Variants in CDH20 observed in about 807,000 individuals in gnomAD.
The protein encoded by CDH20 is cadherin-20.
A neutral mutation model predicts 74.2 loss-of-function variants in CDH20; 29 were observed. The ratio of observed to expected loss-of-function variants is 0.39; its 90% CI spans 0.29 to 0.53. The LOEUF (loss-of-function observed/expected upper bound fraction) is 0.53, where lower values mean the gene tolerates loss of function less well. Ranked by LOEUF, CDH20 falls within the 20% of genes least tolerant of loss-of-function variation. CDH20 has a pLI of 0.69. For synonymous variants in CDH20, 469 were observed against 405.4 expected (o/e 1.16, Z -1.88); for missense variants, 988 against 1,048.3 (o/e 0.94, Z 0.79).
intron 5 of CDH20, among the ~76,000 whole-genome samples, chr18:61,506,660 C>T (rs1943329): frequency 0.64 from 97,547 of 152,162 alleles, 31,518 homozygotes; most frequent in East Asian, 0.77. Context: ...TAATTGTGAG[C>T]TCAGGATATC....
intron 9 of CDH20, among the ~76,000 whole-genome samples, chr18:61,543,981 G>A (rs1376162157): frequency 6.6e-6 from 1 of 152,188 alleles, no homozygotes; most frequent in East Asian, 1.9e-4. Context: ...GCCTAGAAAC[G>A]GCTGGCCGTG....
intron 2 of CDH20, among the ~76,000 whole-genome samples, chr18:61,495,863 A>T (rs11152297): frequency 1 from 152,120 of 152,214 alleles, 76,013 homozygotes; most frequent in Non-Finnish European, 1. Flanking sequence ...TGACTACACC[A>T]AGAACTGATA....
Position 61,554,893 on chromosome 18 carries a change from G to A in CDH20, c.*198G>A, listed in dbSNP as rs1739941705. The A allele has an allele frequency of 7.2e-7, 1 of 1,385,452 alleles. No individual in the cohort carries two copies. Among genetic ancestry groups the A allele is most frequent in the Non-Finnish European group, 9.3e-7 (1 of 1,071,666 alleles). 85.8% of individuals were successfully genotyped at this position (1,385,452 alleles called of 1,614,324 possible). ...AGCAAAAGGAAACCCAGAAGGAAGA[G>A]GGCAGAATCTTTAATTACCTTTTTT... On this transcript the variant is annotated 3_prime_UTR_variant, in exon 12 of 12. Transcript: ENST00000262717.
At chr18:61,501,545 A>C (rs1193125258) in intron 4 of CDH20, among the ~76,000 whole-genome samples, 4 of 152,212 alleles carry the variant, frequency 2.6e-5, no homozygotes, top group African/African-American at 9.7e-5. Flanking sequence ...CCACAGAATA[A>C]AGTTAATGGT....
At position 61,378,183 on chromosome 18, in the gene CDH20, T is replaced by C. The variant is rs536675934; in HGVS notation, c.-153+44356T>C. ...CATTCTAAATTAAATTTTAATATAA[T>C]AGGTGTATGAAACACCTTCATTTTC... On this transcript the variant is annotated intron_variant, in intron 1 of 11. Coordinates refer to ENST00000262717, the MANE Select transcript of CDH20 (RefSeq NM_031891.4). 3.3e-4 allele frequency among the ~76,000 whole-genome samples: 51 copies of C among 152,320 alleles called. 1 individual carries two copies. In the South Asian group the frequency reaches 0.01, roughly 31 times the overall value.
At chr18:61,513,940 C>T (rs1234590184) in intron 6 of CDH20, among the ~76,000 whole-genome samples, 4 of 151,838 alleles carry the variant, frequency 2.6e-5, no homozygotes, top group Non-Finnish European at 4.4e-5. Context: ...ACATTTTTTC[C>T]TTCATTTCAA....
chr18:61,451,399 G>T (rs564637010), intron 1 of CDH20, among the ~76,000 whole-genome samples: 18 of 152,102 alleles, frequency 1.2e-4, no homozygotes, highest in Non-Finnish European at 1.9e-4. Flanking sequence ...TGCTCTTGAA[G>T]TCAGTTATGA....
At chr18:61,444,504 G>A (rs1010094642) in intron 1 of CDH20, among the ~76,000 whole-genome samples, 1 of 152,188 alleles carries the variant, frequency 6.6e-6, no homozygotes, top group African/African-American at 2.4e-5. Context: ...GCAGCTATGG[G>A]AAAAGTTGGT....
chr18:61,539,107 T>C lies in CDH20; in HGVS notation c.1492T>C (p.Tyr498His). 1 of 1,614,168 alleles carries C rather than the reference T, an allele frequency of 6.2e-7. No homozygotes were observed. Among genetic ancestry groups the C allele is most frequent in the Non-Finnish European group, 8.5e-7 (1 of 1,180,030 alleles). Residue 498 changes from tyrosine (Y) to histidine (H), a missense_variant, in exon 9 of 12, where the codon TAT becomes CAT. Coordinates refer to ENST00000262717, the MANE Select transcript of CDH20 (RefSeq NM_031891.4). ...CAATGCTCCAGAGTTCCCCAGATTC[T>C]ATGAAGCTTTTGTCTGTGAGAACGC... Reference protein sequence around the residue: ...NDNAPEFPRFYEAFVCENAKA... With the variant: ...NDNAPEFPRFHEAFVCENAKA...
intron 1 of CDH20, among the ~76,000 whole-genome samples, chr18:61,392,993 C>T (rs145427008): frequency 1.0e-3 from 153 of 152,290 alleles, no homozygotes; most frequent in African/African-American, 3.5e-3. Context: ...ACAGCAAACT[C>T]TGGAATTCTG....
intron 1 of CDH20, among the ~76,000 whole-genome samples, chr18:61,350,879 A>G (rs1910281896): frequency 6.6e-6 from 1 of 152,142 alleles, no homozygotes; most frequent in Non-Finnish European, 1.5e-5. Context: ...GTTAGTAATA[A>G]AGATGCCTTT....
intron 1 of CDH20, among the ~76,000 whole-genome samples, chr18:61,425,932 T>C (rs148424167): frequency 1.1e-3 from 172 of 152,306 alleles, no homozygotes; most frequent in African/African-American, 4.0e-3. Context: ...GACTTAATAT[T>C]GTTAAGACGG....
At chr18:61,415,488 C>T (rs1912652125) in intron 1 of CDH20, among the ~76,000 whole-genome samples, 1 of 152,100 alleles carries the variant, frequency 6.6e-6, no homozygotes. Flanking sequence ...GATTGAATGA[C>T]AAACTGAATG....
intron 1 of CDH20, among the ~76,000 whole-genome samples, chr18:61,450,471 A>C (rs1254793672): frequency 6.6e-6 from 1 of 151,854 alleles, no homozygotes; most frequent in Non-Finnish European, 1.5e-5. Context: ...TAATATTAAA[A>C]CCCCAAAGAC....
intron 1 of CDH20, among the ~76,000 whole-genome samples, chr18:61,442,233 C>T (rs1451367477): frequency 2.0e-5 from 3 of 152,000 alleles, no homozygotes; most frequent in Non-Finnish European, 2.9e-5. Context: ...TGCCTGTAGT[C>T]CCAGCTACTT....
chr18:61,390,048 GA>G (rs1911724910), intron 1 of CDH20, among the ~76,000 whole-genome samples: 1 of 152,002 alleles, frequency 6.6e-6, no homozygotes, highest in Non-Finnish European at 1.5e-5. Flanking sequence ...AGTATTTTTG[GA>G]AAGACTCGTC....
intron 6 of CDH20, among the ~76,000 whole-genome samples, chr18:61,510,379 ATGC>A (rs1248408453): frequency 6.6e-6 from 1 of 152,232 alleles, no homozygotes; most frequent in African/African-American, 2.4e-5. Flanking sequence ...CCTGTGACAA[ATGC>A]TGCTACAGGT....
chr18:61,479,447 T>G (rs1910508842), intron 1 of CDH20, among the ~76,000 whole-genome samples: 1 of 152,218 alleles, frequency 6.6e-6, no homozygotes, highest in African/African-American at 2.4e-5. Flanking sequence ...TTTACACATA[T>G]TCCCATCCAC....
At chr18:61,432,504 C>A (rs546666460) in intron 1 of CDH20, among the ~76,000 whole-genome samples, 2 of 152,134 alleles carry the variant, frequency 1.3e-5, no homozygotes, top group African/African-American at 2.4e-5. Context: ...GGAGGAGATA[C>A]GACCTTCTAT....
Sources: allele counts gnomAD v4.1 joint callset (sites outside exome capture counted in the v4.1 genomes callset), GRCh38; gene constraint gnomAD v4.1.1; transcripts MANE v1.5; gene names NCBI Gene and HGNC (gene_info 2026-07-23, HGNC 2026-07-21).